Variants in SEC63 observed in about 807,000 individuals in gnomAD.
The protein encoded by SEC63 is translocation protein SEC63 homolog.
SEC63 carries 56 observed loss-of-function variants against 116.2 expected under a neutral mutation model. That is an observed-to-expected ratio of 0.48 (90% CI 0.39 to 0.60). SEC63 has a LOEUF of 0.60. Ranked by LOEUF, SEC63 falls within the 20% of genes least tolerant of loss-of-function variation. The pLI, the probability that SEC63 is intolerant of heterozygous loss-of-function variation, is 0.00. For missense variants in SEC63, 668 were observed against 900.0 expected (o/e 0.74, Z 3.30); for synonymous variants, 273 against 294.6 (o/e 0.93, Z 0.75).
intron 6 of SEC63, 74 bp downstream of exon 6, chr6:107,912,642 A>AT: frequency 1.2e-6 from 1 of 843,544 alleles, no homozygotes; most frequent in Admixed American, 1.8e-5. Context: ...TTCTTCTTGT[A>AT]TTACCAAGAC....
intron 1 of SEC63, chr6:107,957,632 G>C: frequency 3.2e-6 from 1 of 310,658 alleles, no homozygotes; most frequent in Non-Finnish European, 5.8e-6. Context: ...GGAGGAGGCT[G>C]CAAGGAGCGT....
intron 19 of SEC63, among the ~76,000 whole-genome samples, chr6:107,874,468 C>T (rs1178139851): frequency 1.3e-5 from 2 of 151,518 alleles, no homozygotes; most frequent in East Asian, 2.0e-4. Flanking sequence ...CAGTGGCGGG[C>T]GTCTGTAATC....
At chr6:107,889,343 T>C (rs1424502211) in intron 16 of SEC63, among the ~76,000 whole-genome samples, 3 of 152,194 alleles carry the variant, frequency 2.0e-5, no homozygotes, top group Non-Finnish European at 4.4e-5. Context: ...TTCAGGAATT[T>C]ATCCATTTCT....
At chr6:107,873,084 G>A (rs1299818664) in intron 19 of SEC63, among the ~76,000 whole-genome samples, 172 bp from the exon 20 acceptor site, 1 of 152,078 alleles carries the variant, frequency 6.6e-6, no homozygotes, top group Admixed American at 6.5e-5. Context: ...AAAGCGAAAT[G>A]TATGTTACAT....
At chr6:107,950,717 C>A (rs917089524) in intron 1 of SEC63, among the ~76,000 whole-genome samples, 1 of 152,148 alleles carries the variant, frequency 6.6e-6, no homozygotes, top group African/African-American at 2.4e-5. Flanking sequence ...AGCCACATTT[C>A]AAAACCAGGC....
intron 11 of SEC63, 87 bp from the exon 12 acceptor site, chr6:107,903,085 C>T (rs562087534): frequency 3.7e-6 from 5 of 1,352,812 alleles, no homozygotes; most frequent in East Asian, 2.3e-5. Context: ...AAAATTCACA[C>T]TAAATCCATA....
chr6:107,913,470 C>T, intron 4 of SEC63, 43 bp from the exon 5 acceptor site: 2 of 1,428,830 alleles, frequency 1.4e-6, no homozygotes, highest in South Asian at 1.1e-5. Flanking sequence ...AAAGCCACAT[C>T]TGAAAAACAA....
At chr6:107,925,727 G>A (rs1002052691) in intron 2 of SEC63, among the ~76,000 whole-genome samples, 4 of 152,238 alleles carry the variant, frequency 2.6e-5, no homozygotes, top group Admixed American at 1.3e-4. Flanking sequence ...AATACATACC[G>A]TTTTTCTATC....
chr6:107,906,082 G>A (rs1427938986), intron 10 of SEC63, among the ~76,000 whole-genome samples: 1 of 152,138 alleles, frequency 6.6e-6, no homozygotes, highest in Non-Finnish European at 1.5e-5. Context: ...TCAGGGGGGT[G>A]GAGTTCTCCC....
intron 2 of SEC63, among the ~76,000 whole-genome samples, chr6:107,927,254 C>T (rs1787696300): frequency 1.3e-5 from 2 of 152,134 alleles, no homozygotes; most frequent in South Asian, 2.1e-4. Flanking sequence ...TTAGTAGAGA[C>T]AGGGTTTCAC....
At chr6:107,938,566 C>CTTT (rs542430538) in intron 1 of SEC63, among the ~76,000 whole-genome samples, 2 of 138,284 alleles carry the variant, frequency 1.4e-5, no homozygotes, top group African/African-American at 2.8e-5. Flanking sequence ...CTTCTTTTTT[C>CTTT]TTTTTTTTTT....
intron 1 of SEC63, among the ~76,000 whole-genome samples, chr6:107,936,799 C>T (rs1770255583): frequency 6.6e-6 from 1 of 152,120 alleles, no homozygotes; most frequent in Non-Finnish European, 1.5e-5. Context: ...ATCATAGAAC[C>T]CAAAGAGGTG....
chr6:107,954,105 C>T (rs2114524528), intron 1 of SEC63, among the ~76,000 whole-genome samples: 1 of 152,182 alleles, frequency 6.6e-6, no homozygotes, highest in East Asian at 1.9e-4. Flanking sequence ...GGAGACTTTT[C>T]ATTTTGTTCT....
At position 107,893,467 on chromosome 6, in the gene SEC63, T is replaced by G. The variant is rs1468411099; in HGVS notation, c.1674+15A>C. Reference sequence around the variant, plus strand: ...TTTAGCTTAATAATGATAATAACGATAATAATAAACTTACATTCCCAACGA... The same window carrying G: ...TTTAGCTTAATAATGATAATAACGAGAATAATAAACTTACATTCCCAACGA... On this transcript the variant is annotated intron_variant, in intron 16 of 20. Transcript: ENST00000369002. 6.2e-7 allele frequency: 1 copy of G among 1,608,014 alleles called. No individual in the cohort carries two copies. Among genetic ancestry groups the G allele is most frequent in the Non-Finnish European group, 8.5e-7 (1 of 1,176,080 alleles).
intron 1 of SEC63, among the ~76,000 whole-genome samples, chr6:107,953,894 C>T (rs1770642690): frequency 6.6e-6 from 1 of 151,498 alleles, no homozygotes; most frequent in African/African-American, 2.4e-5. Context: ...AGGTGAGGGG[C>T]GCCTCTCCTC....
At chr6:107,955,045 CCTAA>C (rs980276597) in intron 1 of SEC63, among the ~76,000 whole-genome samples, 13 of 152,186 alleles carry the variant, frequency 8.5e-5, no homozygotes, top group African/African-American at 2.9e-4. Flanking sequence ...TAATAGTTCA[CCTAA>C]CTTTCTATCT....
At chr6:107,951,049 A>C (rs767245265) in intron 1 of SEC63, among the ~76,000 whole-genome samples, 2 of 152,226 alleles carry the variant, frequency 1.3e-5, no homozygotes, top group African/African-American at 2.4e-5. Context: ...TGCACTTACA[A>C]ATAATGGTTG....
In SEC63 at chr6:107,902,829, G is replaced by A; in HGVS notation, c.1209+15C>T. 1 of 1,612,524 alleles carries A rather than the reference G, an allele frequency of 6.2e-7. No individual in the cohort carries two copies. The highest frequency in any genetic ancestry group is 8.5e-7 in the Non-Finnish European group (1 of 1,178,794). On this transcript the variant is annotated intron_variant, in intron 12 of 20. Transcript: ENST00000369002. ...CAAACTGCTGAAAACTGACTTTAAAGTAGCAAAGAATTACCTTCTTATGAT... is the reference window on the plus strand; with the variant it reads ...CAAACTGCTGAAAACTGACTTTAAAATAGCAAAGAATTACCTTCTTATGAT...
chr6:107,884,110 C>CAAAA (rs1217246945), intron 16 of SEC63, among the ~76,000 whole-genome samples: 1 of 150,758 alleles, frequency 6.6e-6, no homozygotes, highest in Non-Finnish European at 1.5e-5. Context: ...AACAAACAAA[C>CAAAA]AAACAAAAAA....
Sources: allele counts gnomAD v4.1 joint callset (sites outside exome capture counted in the v4.1 genomes callset), GRCh38; gene constraint gnomAD v4.1.1; transcripts MANE v1.5; gene names NCBI Gene and HGNC (gene_info 2026-07-23, HGNC 2026-07-21).